HHAT: variants seen among roughly 807,000 people sequenced by gnomAD.
The protein encoded by HHAT is hedgehog acyltransferase.
In HHAT, 47 loss-of-function variants were observed where a neutral mutation model predicts 70.8. The observed-to-expected ratio is 0.66, with a 90% confidence interval of 0.53 to 0.85. HHAT has a LOEUF of 0.85. Among genes scored for constraint, HHAT ranks in the 40% least tolerant of loss-of-function variants. The pLI is 0.00. For synonymous variants in HHAT, 228 were observed against 247.6 expected, an observed-to-expected ratio of 0.92 and a Z score of 0.74; for missense variants, 609 against 604.8, an observed-to-expected ratio of 1.01 and a Z score of -0.07.
At chr1:210,648,473 C>G (rs1403411346) in intron 11 of HHAT, among the ~76,000 whole-genome samples, 1 of 152,184 alleles carries the variant, frequency 6.6e-6, no homozygotes, top group Non-Finnish European at 1.5e-5. Flanking sequence ...GTGATGGAGA[C>G]AAGGTTCTTT....
In HHAT at chr1:210,617,246, A is replaced by G. The variant is rs1328294367; in HGVS notation, c.1246-6280A>G. Among the ~76,000 whole-genome samples, 3 of 152,372 alleles carry G rather than the reference A, an allele frequency of 2.0e-5. No homozygotes were observed. The East Asian group carries it at 5.8e-4, about 29-fold the overall frequency. On this transcript the variant is annotated intron_variant, in intron 10 of 11. Transcript: ENST00000261458. ...GGGGAACACTGAAGACAGCCATGTCATTGATAAAAAGTGGTGAGAGTTAAG... is the reference window on the plus strand; with the variant it reads ...GGGGAACACTGAAGACAGCCATGTCGTTGATAAAAAGTGGTGAGAGTTAAG...
chr1:210,378,678 A>G (rs142419036), intron 3 of HHAT, among the ~76,000 whole-genome samples: 44 of 151,512 alleles, frequency 2.9e-4, no homozygotes, highest in Non-Finnish European at 5.3e-4. Context: ...TTTTTTTTGT[A>G]TAGAGAACAT....
intron 9 of HHAT, among the ~76,000 whole-genome samples, chr1:210,536,646 G>C (rs1381942957): frequency 2.0e-5 from 3 of 152,198 alleles, no homozygotes; most frequent in Admixed American, 2.0e-4. Context: ...ATGTAACTGG[G>C]GCATTCAGAT....
At chr1:210,616,637 A>C (rs1295160340) in intron 10 of HHAT, among the ~76,000 whole-genome samples, 2 of 152,222 alleles carry the variant, frequency 1.3e-5, no homozygotes, top group Non-Finnish European at 2.9e-5. Flanking sequence ...AGAGGCAAAG[A>C]TCTTGAAGGT....
At chr1:210,450,294 T>TGGG (rs11412055) in intron 7 of HHAT, among the ~76,000 whole-genome samples, 76 of 144,674 alleles carry the variant, frequency 5.3e-4, no homozygotes, top group East Asian at 1.7e-3. Flanking sequence ...GCGTCTCAGG[T>TGGG]GGGGGGGGTG....
At chr1:210,654,407 GC>G (rs1675947207) in intron 11 of HHAT, among the ~76,000 whole-genome samples, 1 of 152,184 alleles carries the variant, frequency 6.6e-6, no homozygotes, top group African/African-American at 2.4e-5. Flanking sequence ...CTCTCCAAGG[GC>G]AGAAGCCAGT....
At chr1:210,378,931 C>T (rs951494878) in intron 3 of HHAT, among the ~76,000 whole-genome samples, 1 of 152,118 alleles carries the variant, frequency 6.6e-6, no homozygotes, top group African/African-American at 2.4e-5. Context: ...ACATTTCTTC[C>T]GTAGTATGTT....
chr1:210,490,382 A>G (rs11582700), intron 8 of HHAT, among the ~76,000 whole-genome samples: 58,882 of 152,152 alleles, frequency 0.39, 13,720 homozygotes, highest in Non-Finnish European at 0.51. Context: ...CCACACATGG[A>G]TATGAATGGA....
chr1:210,509,511 T>G (rs11119516), intron 8 of HHAT, among the ~76,000 whole-genome samples: 66,730 of 152,062 alleles, frequency 0.44, 14,745 homozygotes, highest in East Asian at 0.57. Context: ...TACCCCTAAC[T>G]AACAATCACT....
chr1:210,375,706 A>G (rs549708250), intron 3 of HHAT, among the ~76,000 whole-genome samples: 1 of 150,950 alleles, frequency 6.6e-6, no homozygotes, highest in South Asian at 2.1e-4. Flanking sequence ...TTTTAACCTC[A>G]TATTTTTTCT....
At chr1:210,442,677 T>C (rs553904601) in intron 7 of HHAT, among the ~76,000 whole-genome samples, 42 of 152,350 alleles carry the variant, frequency 2.8e-4, no homozygotes, top group African/African-American at 9.1e-4. Flanking sequence ...TCATGTCCTT[T>C]GCCCACTTTT....
chr1:210,348,024 T>C (rs1319412154), intron 1 of HHAT, among the ~76,000 whole-genome samples: 1 of 152,022 alleles, frequency 6.6e-6, no homozygotes, highest in African/African-American at 2.4e-5. Context: ...TGAGGGGCGG[T>C]GGGTAACAAG....
chr1:210,418,894 G>A (rs1384465599), intron 7 of HHAT, among the ~76,000 whole-genome samples: 1 of 152,114 alleles, frequency 6.6e-6, no homozygotes, highest in African/African-American at 2.4e-5. Flanking sequence ...TTAGCTGGGT[G>A]TGGTGAGAGA....
chr1:210,657,326 C>T (rs527873224), intron 11 of HHAT, among the ~76,000 whole-genome samples: 6 of 152,364 alleles, frequency 3.9e-5, no homozygotes, highest in African/African-American at 1.4e-4. Flanking sequence ...AAAACTCTTG[C>T]TCCACAATAC....
chr1:210,433,436 C>A (rs3753226), intron 7 of HHAT, among the ~76,000 whole-genome samples: 1 of 151,490 alleles, frequency 6.6e-6, no homozygotes. Flanking sequence ...AAAAAGGGAT[C>A]GCTGCAAGTT....
intron 9 of HHAT, 46 bp from the exon 10 acceptor site, chr1:210,587,852 C>T: frequency 6.9e-7 from 1 of 1,446,954 alleles, no homozygotes; most frequent in Non-Finnish European, 9.6e-7. Flanking sequence ...GATAGAGTTG[C>T]AGGGCAGCCC....
At chr1:210,509,544 C>T (rs2094918837) in intron 8 of HHAT, among the ~76,000 whole-genome samples, 1 of 152,208 alleles carries the variant, frequency 6.6e-6, no homozygotes, top group Non-Finnish European at 1.5e-5. Flanking sequence ...GCTTCTGTTT[C>T]TTCCTCTGTG....
intron 6 of HHAT, among the ~76,000 whole-genome samples, chr1:210,417,318 C>T (rs534453655): frequency 4.6e-5 from 7 of 152,230 alleles, no homozygotes; most frequent in Middle Eastern, 3.4e-3. Context: ...CTGCAACCTC[C>T]GCCTCCCAGG....
At chr1:210,480,775 A>G (rs2094383960) in intron 8 of HHAT, among the ~76,000 whole-genome samples, 1 of 152,126 alleles carries the variant, frequency 6.6e-6, no homozygotes, top group Non-Finnish European at 1.5e-5. Context: ...TCTCCCTGAT[A>G]GCTCCCCTCC....
Sources: allele counts gnomAD v4.1 joint callset (sites outside exome capture counted in the v4.1 genomes callset), GRCh38; gene constraint gnomAD v4.1.1; transcripts MANE v1.5; gene names NCBI Gene and HGNC (gene_info 2026-07-23, HGNC 2026-07-21).